The following HRH4 variants were observed in gnomAD, a reference collection of about 807,000 sequenced individuals.
The protein encoded by HRH4 is histamine H4 receptor.
Under a neutral mutation model 10.4 loss-of-function variants are expected in HRH4, and 12 were observed. The observed-to-expected ratio is 1.15, with a 90% CI of 0.74 to 1.87. The LOEUF (loss-of-function observed/expected upper bound fraction) is 1.87, where lower values mean the gene tolerates loss of function less well. HRH4 is among the 40% of genes most tolerant of loss of function. HRH4 has a pLI of 0.00. For synonymous variants in HRH4, 154 were observed against 166.6 expected (o/e 0.92, Z 0.58); for missense variants, 415 against 453.3 (o/e 0.92, Z 0.77).
At chr18:24,476,715 C>T (rs1300051035) in intron 2 of HRH4, 32 bp from the exon 3 acceptor site, 1 of 1,464,034 alleles carries the variant, frequency 6.8e-7, no homozygotes, top group Admixed American at 1.8e-5. Context: ...CATACACATT[C>T]ATTATATTGA....
Position 24,479,438 on chromosome 18 carries a change from G to A in HRH4, c.*1876G>A, listed in dbSNP as rs1302816834. 6.6e-6 allele frequency: 1 copy of A among 152,154 alleles called. No homozygotes were observed. The highest frequency in any genetic ancestry group is 1.5e-5 in the Non-Finnish European group (1 of 68,024). 9.4% of individuals were successfully genotyped at this position (152,154 alleles called of 1,614,324 possible). A position where few individuals can be genotyped will look rare whatever the true frequency, so the allele number is the denominator to read the frequency against. ...ATTCACATTTTATTAGTTTGGTTAT[G>A]TTTTGTCCTTTTAAAACATTTTCTT... On this transcript the variant is annotated 3_prime_UTR_variant, in exon 3 of 3. Coordinates refer to ENST00000256906, the MANE Select transcript of HRH4 (RefSeq NM_021624.4).
intron 1 of HRH4, among the ~76,000 whole-genome samples, chr18:24,464,106 T>A (rs1229218399): frequency 6.6e-6 from 1 of 152,168 alleles, no homozygotes; most frequent in Non-Finnish European, 1.5e-5. Flanking sequence ...AGTTCAAGAC[T>A]CTTTTCTGGC....
intron 2 of HRH4, among the ~76,000 whole-genome samples, chr18:24,471,627 A>G (rs1169039897): frequency 1.3e-5 from 2 of 150,968 alleles, no homozygotes; most frequent in Admixed American, 6.6e-5. Flanking sequence ...AAAAAAAAAA[A>G]AAAAAAGAAA....
intron 1 of HRH4, among the ~76,000 whole-genome samples, chr18:24,467,658 C>T (rs775275878): frequency 1.3e-5 from 2 of 152,180 alleles, no homozygotes; most frequent in African/African-American, 2.4e-5. Flanking sequence ...GTTCTCTTGC[C>T]TCAGCCTCCT....
rs573564752 is a variant in HRH4, at chr18:24,471,135, G to A, written c.357+2184G>A. 8.6e-5 allele frequency among the ~76,000 whole-genome samples: 13 copies of A among 151,946 alleles called. No individual in the cohort carries two copies. In the South Asian group the frequency reaches 1.0e-3, roughly 12 times the overall value. On this transcript the variant is annotated intron_variant, in intron 2 of 2. Coordinates refer to ENST00000256906, the MANE Select transcript of HRH4 (RefSeq NM_021624.4). ...CCTTAACATCGCATACTTCATTGGC[G>A]CCAGGGACCACTGCAGTTTGTATTG...
intron 1 of HRH4, among the ~76,000 whole-genome samples, chr18:24,465,956 C>A (rs1909763794): frequency 6.6e-6 from 1 of 152,142 alleles, no homozygotes; most frequent in African/African-American, 2.4e-5. Flanking sequence ...TATCTCTCTT[C>A]TTTCTCATTC....
intron 1 of HRH4, among the ~76,000 whole-genome samples, chr18:24,461,678 T>A (rs1909643621): frequency 6.6e-6 from 1 of 152,198 alleles, no homozygotes; most frequent in Non-Finnish European, 1.5e-5. Flanking sequence ...TACATAAAGC[T>A]TACATTTATG....
intron 2 of HRH4, among the ~76,000 whole-genome samples, chr18:24,471,531 C>T (rs911499951): frequency 3.9e-5 from 5 of 128,980 alleles, no homozygotes; most frequent in African/African-American, 1.2e-4. Flanking sequence ...TGCTTGAACC[C>T]GGGAGGCGGA....
At chr18:24,469,619 G>A (rs1392181432) in intron 2 of HRH4, among the ~76,000 whole-genome samples, 1 of 152,210 alleles carries the variant, frequency 6.6e-6, no homozygotes, top group Non-Finnish European at 1.5e-5. Context: ...GCAGTGATCT[G>A]AAACCTTTGA....
intron 2 of HRH4, among the ~76,000 whole-genome samples, chr18:24,470,501 AT>A (rs200257355): frequency 2.5e-4 from 33 of 129,914 alleles, no homozygotes; most frequent in East Asian, 1.1e-3. Flanking sequence ...TTGTTTCTCT[AT>A]TTTTTTTTTT....
chr18:24,460,685 G>T lies in HRH4; in HGVS notation c.-44G>T, dbSNP rs777252174. ...AAAACATACTTGTCAGAATTGTCTG[G>T]CTGGATTAATTTGCTAATTTGACCT... On this transcript the variant is annotated 5_prime_UTR_variant, in exon 1 of 3. Transcript: ENST00000256906. 1.5e-6 allele frequency: 2 copies of T among 1,304,950 alleles called. No homozygotes were observed. Among genetic ancestry groups the T allele is most frequent in the Non-Finnish European group, 2.1e-6 (2 of 954,470 alleles). 80.8% of individuals were successfully genotyped at this position (1,304,950 alleles called of 1,614,324 possible). A position where few individuals can be genotyped will look rare whatever the true frequency, so the allele number is the denominator to read the frequency against.
intron 2 of HRH4, among the ~76,000 whole-genome samples, chr18:24,470,215 A>G (rs1231648232): frequency 2.0e-5 from 3 of 152,210 alleles, no homozygotes; most frequent in Non-Finnish European, 4.4e-5. Flanking sequence ...TTTCTCTTAC[A>G]TAACAGTCCA....
intron 1 of HRH4, among the ~76,000 whole-genome samples, chr18:24,468,289 A>C (rs2144371575): frequency 6.6e-6 from 1 of 152,178 alleles, no homozygotes; most frequent in South Asian, 2.1e-4. Flanking sequence ...TGATCCACCC[A>C]CCTTGGTCTC....
intron 1 of HRH4, among the ~76,000 whole-genome samples, chr18:24,467,519 G>T (rs933805647): frequency 1.3e-5 from 2 of 152,096 alleles, no homozygotes; most frequent in African/African-American, 4.8e-5. Flanking sequence ...AAATGAGAAA[G>T]AAGTGAATGG....
intron 1 of HRH4, among the ~76,000 whole-genome samples, chr18:24,468,326 G>C (rs1006750541): frequency 7.2e-5 from 11 of 152,186 alleles, no homozygotes; most frequent in African/African-American, 2.7e-4. Context: ...ACAGGCGTGA[G>C]TTACCACGCC....
At chr18:24,469,784 G>T (rs528818745) in intron 2 of HRH4, among the ~76,000 whole-genome samples, 245 of 152,082 alleles carry the variant, frequency 1.6e-3, no homozygotes, top group Non-Finnish European at 2.9e-3. Context: ...TTGGCCTCAG[G>T]GGGTATGTGT....
intron 2 of HRH4, among the ~76,000 whole-genome samples, chr18:24,474,135 A>T (rs995313408): frequency 2.6e-5 from 4 of 152,184 alleles, no homozygotes; most frequent in African/African-American, 9.6e-5. Context: ...TTATATCATT[A>T]CCAAGGCTGA....
At chr18:24,465,068 C>A (rs1008843154) in intron 1 of HRH4, among the ~76,000 whole-genome samples, 9 of 151,926 alleles carry the variant, frequency 5.9e-5, no homozygotes, top group Non-Finnish European at 1.3e-4. Context: ...GGGTGGATCA[C>A]TTGAGGCCAG....
chr18:24,472,389 C>G (rs1433996544), intron 2 of HRH4, among the ~76,000 whole-genome samples: 1 of 152,090 alleles, frequency 6.6e-6, no homozygotes, highest in Non-Finnish European at 1.5e-5. Context: ...AGTAATTCCC[C>G]TGGAAATTCA....
Sources: allele counts gnomAD v4.1 joint callset (sites outside exome capture counted in the v4.1 genomes callset), GRCh38; gene constraint gnomAD v4.1.1; transcripts MANE v1.5; gene names NCBI Gene and HGNC (gene_info 2026-07-23, HGNC 2026-07-21).